Variants in CCDC6 observed in about 807,000 individuals in gnomAD.
The protein encoded by CCDC6 is coiled-coil domain-containing protein 6.
In CCDC6, 20 loss-of-function variants were observed where a neutral mutation model predicts 56.6. That is an observed-to-expected ratio of 0.35 (90% CI 0.25 to 0.51). The LOEUF (loss-of-function observed/expected upper bound fraction) is 0.51. Ranked by LOEUF, CCDC6 falls within the 20% of genes least tolerant of loss-of-function variation. The pLI, the probability that CCDC6 is intolerant of heterozygous loss-of-function variation, is 0.95. For synonymous variants in CCDC6, 241 were observed against 234.4 expected, an observed-to-expected ratio of 1.03 and a Z score of -0.26; for missense variants, 367 against 601.1, an observed-to-expected ratio of 0.61 and a Z score of 4.07.
At chr10:59,903,604 C>T (rs1350823752) in intron 1 of CCDC6, among the ~76,000 whole-genome samples, 2 of 152,088 alleles carry the variant, frequency 1.3e-5, no homozygotes, top group African/African-American at 4.8e-5. Flanking sequence ...AGGACATGAA[C>T]GTTAATATCA....
intron 1 of CCDC6, among the ~76,000 whole-genome samples, chr10:59,860,605 G>C (rs1057365573): frequency 4.6e-5 from 7 of 152,094 alleles, no homozygotes; most frequent in African/African-American, 1.7e-4. Context: ...TTAAGTATAA[G>C]GTAACAGCAG....
intron 1 of CCDC6, among the ~76,000 whole-genome samples, chr10:59,882,728 A>C (rs1589060793): frequency 6.7e-6 from 1 of 150,348 alleles, no homozygotes; most frequent in East Asian, 2.0e-4. Context: ...TGGGAGGCCG[A>C]GGCAGGCGGA....
At chr10:59,880,880 A>T (rs935045844) in intron 1 of CCDC6, among the ~76,000 whole-genome samples, 1 of 152,206 alleles carries the variant, frequency 6.6e-6, no homozygotes, top group Non-Finnish European at 1.5e-5. Flanking sequence ...ATGGTGGTTC[A>T]AACCACTGAT....
In CCDC6 at chr10:59,906,357, A is replaced by G. The variant is rs757205084; in HGVS notation, c.68T>C (p.Met23Thr). 1 of 1,595,676 alleles carries G rather than the reference A, an allele frequency of 6.3e-7. No individual in the cohort carries two copies. The highest frequency in any genetic ancestry group is 8.5e-7 in the Non-Finnish European group (1 of 1,178,152). ...AGGNSSSSAA[M>T]QSSCSSTSGG... is the part of the protein sequence containing the mutation. ...CGAGGTCGACGAGCAGGACGACTGC[A>G]TGGCGGCCGAGCTGCTGCTGTTGCC... The change falls in exon 1 of 9, where the codon ATG (methionine) becomes ACG (threonine). Residue 23 changes from methionine (M) to threonine (T), a missense_variant. Met to Thr is a moderately conservative substitution (Grantham distance 81). Coordinates refer to ENST00000263102, the MANE Select transcript of CCDC6 (RefSeq NM_005436.5).
At position 59,885,996 on chromosome 10, in the gene CCDC6, C is replaced by T. The variant is rs142673084; in HGVS notation, c.303+20126G>A. On this transcript the variant is annotated intron_variant, in intron 1 of 8. Transcript: ENST00000263102. Reference sequence around the variant, plus strand: ...CCTCTTAGCACAATGCATAGAACAGCCTTATATACAGAATAACCTCAGAAA... The same window carrying T: ...CCTCTTAGCACAATGCATAGAACAGTCTTATATACAGAATAACCTCAGAAA... 1.0e-3 allele frequency among the ~76,000 whole-genome samples: 147 copies of T among 143,286 alleles called. 3 individuals carry two copies. The East Asian group carries it at 0.027, about 27-fold the overall frequency. The allele number at this position is 143,286 out of a possible 152,430, so 94.0% of individuals were successfully genotyped here.
intron 1 of CCDC6, among the ~76,000 whole-genome samples, chr10:59,901,867 G>A (rs1013658601): frequency 6.6e-6 from 1 of 152,056 alleles, no homozygotes; most frequent in Non-Finnish European, 1.5e-5. Context: ...CTCACTCATA[G>A]GACAAACCAA....
chr10:59,797,238 C>T (rs1401632940), intron 7 of CCDC6, among the ~76,000 whole-genome samples: 2 of 152,044 alleles, frequency 1.3e-5, no homozygotes, highest in Non-Finnish European at 2.9e-5. Context: ...CGGTGAACTG[C>T]TGCTCAACAG....
chr10:59,904,737 A>G (rs1229493175), intron 1 of CCDC6, among the ~76,000 whole-genome samples: 2 of 152,242 alleles, frequency 1.3e-5, no homozygotes, highest in African/African-American at 4.8e-5. Flanking sequence ...GGATTTGAGC[A>G]TGAAAAGTTT....
chr10:59,811,076 G>A (rs2070668437), intron 5 of CCDC6, among the ~76,000 whole-genome samples: 1 of 152,160 alleles, frequency 6.6e-6, no homozygotes. Context: ...ACAACCTCCA[G>A]AAGGATGGCT....
At chr10:59,797,463 A>C (rs1300799371) in intron 7 of CCDC6, among the ~76,000 whole-genome samples, 1 of 151,826 alleles carries the variant, frequency 6.6e-6, no homozygotes, top group Admixed American at 6.6e-5. Context: ...AACAAGAATA[A>C]AGTGGAGAAA....
At chr10:59,903,349 G>A (rs1335746799) in intron 1 of CCDC6, among the ~76,000 whole-genome samples, 1 of 152,196 alleles carries the variant, frequency 6.6e-6, no homozygotes, top group Non-Finnish European at 1.5e-5. Context: ...CCACTATGAT[G>A]AAAGATGTTG....
At chr10:59,835,869 G>T (rs1241761728) in intron 2 of CCDC6, among the ~76,000 whole-genome samples, 1 of 151,968 alleles carries the variant, frequency 6.6e-6, no homozygotes, top group Non-Finnish European at 1.5e-5. Flanking sequence ...ACCAGCCTAG[G>T]CAACAGAGTG....
intron 3 of CCDC6, among the ~76,000 whole-genome samples, chr10:59,830,414 A>C (rs2070825573): frequency 6.6e-6 from 1 of 152,194 alleles, no homozygotes; most frequent in Non-Finnish European, 1.5e-5. Flanking sequence ...CATGCCCCCT[A>C]AATGCTGATT....
chr10:59,889,758 G>A (rs1044982871), intron 1 of CCDC6, among the ~76,000 whole-genome samples: 2 of 152,172 alleles, frequency 1.3e-5, no homozygotes, highest in Admixed American at 1.3e-4. Flanking sequence ...AACTTGGGCA[G>A]CACCCACATC....
At chr10:59,853,336 C>T (rs2071054647) in intron 1 of CCDC6, among the ~76,000 whole-genome samples, 1 of 152,046 alleles carries the variant, frequency 6.6e-6, no homozygotes, top group Non-Finnish European at 1.5e-5. Context: ...GAGTTGAGAC[C>T]AGCCTGGGCA....
chr10:59,872,332 T>C (rs2071236702), intron 1 of CCDC6, among the ~76,000 whole-genome samples: 1 of 152,210 alleles, frequency 6.6e-6, no homozygotes, highest in Non-Finnish European at 1.5e-5. Context: ...TTCCCCAACC[T>C]TGGGTATCAG....
At chr10:59,842,135 T>TG in intron 2 of CCDC6, among the ~76,000 whole-genome samples, 1 of 150,844 alleles carries the variant, frequency 6.6e-6, no homozygotes, top group Non-Finnish European at 1.5e-5. Context: ...CTCTGCCTCC[T>TG]GGTTCAACTG....
intron 1 of CCDC6, among the ~76,000 whole-genome samples, chr10:59,879,565 G>A (rs2071314958): frequency 7.2e-6 from 1 of 137,950 alleles, no homozygotes; most frequent in Non-Finnish European, 1.5e-5. Context: ...AGATCACTGT[G>A]AAACCCACAA....
intron 3 of CCDC6, among the ~76,000 whole-genome samples, chr10:59,826,062 T>C (rs151190656): frequency 6.6e-6 from 1 of 152,274 alleles, no homozygotes; most frequent in African/African-American, 2.4e-5. Context: ...CAGTGTCATC[T>C]AGTGGCTGAA....
Sources: allele counts gnomAD v4.1 joint callset (sites outside exome capture counted in the v4.1 genomes callset), GRCh38; gene constraint gnomAD v4.1.1; transcripts MANE v1.5; gene names NCBI Gene and HGNC (gene_info 2026-07-23, HGNC 2026-07-21).